Variants in URB2 observed in about 807,000 individuals in gnomAD.
URB2 encodes the protein URB2 ribosome biogenesis homolog.
In URB2, 86 loss-of-function variants were observed where a neutral mutation model predicts 120.9. The ratio of observed to expected loss-of-function variants is 0.71; its 90% CI spans 0.60 to 0.85. URB2 has a LOEUF of 0.85. Ranked by LOEUF, URB2 falls within the 40% of genes least tolerant of loss-of-function variation. The probability of loss-of-function intolerance (pLI) is 0.00; values close to 1 mark genes in which losing one functional copy is unlikely to be tolerated. For synonymous variants in URB2, 755 were observed against 758.4 expected (o/e 1.00, Z 0.07); for missense variants, 1,765 against 1,836.5 (o/e 0.96, Z 0.71).
In URB2 at chr1:229,634,973, T is replaced by C. The variant is rs1217104016; in HGVS notation, c.360T>C (p.Cys120=). 6.3e-7 allele frequency: 1 copy of C among 1,589,238 alleles called. No homozygotes were observed. Among genetic ancestry groups the C allele is most frequent in the Non-Finnish European group, 8.6e-7 (1 of 1,165,872 alleles). ...TTTCGGGATCCCAAAGAAACATCTG[T>C]GCTGTCCTTCGATGTTGCCAGGGCA... The part of the protein sequence containing the change: ...FSLSGSQRNI[C]AVLRCCQGIL... The change falls in exon 4 of 10, where the codon TGT becomes TGC. Residue 120 remains cysteine (C), a synonymous_variant. Coordinates refer to ENST00000258243, the MANE Select transcript of URB2 (RefSeq NM_014777.4).
Position 229,636,517 on chromosome 1 carries a change from T to C in URB2, c.1904T>C (p.Ile635Thr), listed in dbSNP as rs1311378957. 3 of 1,614,192 alleles carry C rather than the reference T, an allele frequency of 1.9e-6. No homozygotes were observed. The highest frequency in any genetic ancestry group is 2.2e-5 in the East Asian group (1 of 44,878). ...TATCACTCTATGTCTGGGCCCCTTA[T>C]AGGTGTTGCTCTGGAGATCTCGAAC... Reference protein sequence around the residue: ...SQYHSMSGPLIGVALEISNLP... With the variant: ...SQYHSMSGPLTGVALEISNLP... Residue 635 changes from isoleucine to threonine, a missense_variant, in exon 4 of 10, where the codon ATA becomes ACA. Transcript: ENST00000258243.
At position 229,659,573 on chromosome 1, in the gene URB2, G is replaced by T. The variant is rs934476244; in HGVS notation, c.*276G>T. Reference sequence around the variant, plus strand: ...TTCAATAGAAAAATTGCTGACTCTTGGGACCTTTCTGTGTTTGGTTCTCGT... The same window carrying T: ...TTCAATAGAAAAATTGCTGACTCTTTGGACCTTTCTGTGTTTGGTTCTCGT... On this transcript the variant is annotated 3_prime_UTR_variant, in exon 10 of 10. Transcript: ENST00000258243. The T allele has an allele frequency of 3.2e-6, 1 of 308,654 alleles. No homozygotes were observed. The allele number at this position is 308,654 out of a possible 1,614,324, so 19.1% of individuals were successfully genotyped here. A position where few individuals can be genotyped will look rare whatever the true frequency, so the allele number is the denominator to read the frequency against.
At chr1:229,654,807 T>C (rs181204699) in intron 9 of URB2, among the ~76,000 whole-genome samples, 2 of 152,320 alleles carry the variant, frequency 1.3e-5, no homozygotes, top group African/African-American at 4.8e-5. Flanking sequence ...TACAGGGTTA[T>C]TGTAAGGACC....
rs762995854 is a variant in URB2, at chr1:229,647,596, G to A, written c.3993G>A (p.Arg1331=). Reference sequence around the variant, plus strand: ...TAGATGTCCTGGCTGCACTGCTGCGGCAGGGGGAGGAGGCCATCGGCAACC... The same window carrying A: ...TAGATGTCCTGGCTGCACTGCTGCGACAGGGGGAGGAGGCCATCGGCAACC... ...PVLDVLAALL[R]QGEEAIGNPH... is the part of the protein sequence containing the mutation. The change falls in exon 7 of 10, where the codon CGG becomes CGA. Residue 1331 remains arginine (R), a synonymous_variant. Transcript: ENST00000258243. The A allele has an allele frequency of 6.2e-7, 1 of 1,614,176 alleles. No homozygotes were observed. Among genetic ancestry groups the A allele is most frequent in the Non-Finnish European group, 8.5e-7 (1 of 1,180,028 alleles).
chr1:229,656,775 C>T (rs943371651), intron 9 of URB2, among the ~76,000 whole-genome samples: 1 of 152,180 alleles, frequency 6.6e-6, no homozygotes, highest in African/African-American at 2.4e-5. Flanking sequence ...CTTCTTTCCT[C>T]CAAGCAGTAA....
At chr1:229,640,550 G>A (rs1665980419) in intron 4 of URB2, among the ~76,000 whole-genome samples, 1 of 152,172 alleles carries the variant, frequency 6.6e-6, no homozygotes, top group African/African-American at 2.4e-5. Context: ...ATTAACGTCT[G>A]TGTTAAGCAC....
Position 229,643,696 on chromosome 1 carries a change from G to A in URB2, c.3795+3G>A, listed in dbSNP as rs1558168539. On this transcript the variant is annotated splice_donor_region_variant and intron_variant, in intron 5 of 9. Transcript: ENST00000258243. ...ACATGTGGAAAGCAGATGTGCAGGT[G>A]GGTGCCTTCTCCCTCCTTGTGTGGC... The A allele has an allele frequency of 6.2e-7, 1 of 1,610,832 alleles. No homozygotes were observed. Among genetic ancestry groups the A allele is most frequent in the East Asian group, 2.2e-5 (1 of 44,826 alleles).
chr1:229,626,366 C>A lies in URB2; in HGVS notation c.-14+10C>A. 1 of 153,018 alleles carries A rather than the reference C, an allele frequency of 6.5e-6. No homozygotes were observed. Among genetic ancestry groups the A allele is most frequent in the Non-Finnish European group, 1.5e-5 (1 of 68,580 alleles). 9.5% of individuals were successfully genotyped at this position (153,018 alleles called of 1,614,324 possible). On this transcript the variant is annotated intron_variant, in intron 1 of 9. Coordinates refer to ENST00000258243, the MANE Select transcript of URB2 (RefSeq NM_014777.4). Reference sequence around the variant, plus strand: ...CGGGCCGGATCCCGAGGTGAGTCCCCCACCTGCGGTCAGCCCCTGCGGGCA... The same window carrying A: ...CGGGCCGGATCCCGAGGTGAGTCCCACACCTGCGGTCAGCCCCTGCGGGCA...
chr1:229,647,394 C>T, intron 6 of URB2, 116 bp from the exon 7 acceptor site: 2 of 1,321,128 alleles, frequency 1.5e-6, no homozygotes, highest in Non-Finnish European at 2.1e-6. Context: ...CCACGGACCA[C>T]ATCAATTCAT....
Position 229,635,097 on chromosome 1 carries a change from G to A in URB2, c.484G>A (p.Glu162Lys), listed in dbSNP as rs780581627. The change falls in exon 4 of 10, where the codon GAA becomes AAA. Residue 162 changes from glutamate (E) to lysine (K), a missense_variant. By Grantham distance (56) the Glu-to-Lys change is moderately conservative. Transcript: ENST00000258243. ...TTGCTGGTCGGCCTGCAGGCAGCCC[G>A]AAGGAGCTGTGGTAGCCCAGTTGTT... ...QLCWSACRQP[E>K]GAVVAQLFEV... The A allele has an allele frequency of 5.9e-5, 96 of 1,613,978 alleles. 1 individual carries two copies. The highest frequency in any genetic ancestry group is 1.6e-4 in the Middle Eastern group (1 of 6,084).
chr1:229,632,309 A>G lies in URB2; in HGVS notation c.167A>G (p.Tyr56Cys), dbSNP rs753479798. 3 of 1,586,366 alleles carry G rather than the reference A, an allele frequency of 1.9e-6. No homozygotes were observed. The highest frequency in any genetic ancestry group is 1.2e-5 in the South Asian group (1 of 83,980). Residue 56 changes from tyrosine to cysteine, a missense_variant, in exon 3 of 10, where the codon TAT (tyrosine) becomes TGT (cysteine). Coordinates refer to ENST00000258243, the MANE Select transcript of URB2 (RefSeq NM_014777.4). Reference sequence around the variant, plus strand: ...GCAAGACAATCATTGGTTGCATTTTATAAGAAAAAGCTTGAACTGAAGGAA... The same window carrying G: ...GCAAGACAATCATTGGTTGCATTTTGTAAGAAAAAGCTTGAACTGAAGGAA... The part of the protein sequence containing the change: ...DWARQSLVAF[Y>C]KKKLELKEDI...
chr1:229,627,200 C>T (rs1665513577), intron 1 of URB2, among the ~76,000 whole-genome samples: 2 of 152,136 alleles, frequency 1.3e-5, no homozygotes, highest in African/African-American at 4.8e-5. Flanking sequence ...TTTTCTTTTT[C>T]ACTTGGAGAC....
intron 4 of URB2, among the ~76,000 whole-genome samples, chr1:229,639,336 C>CTTT (rs200235230): frequency 1.7e-4 from 23 of 135,118 alleles, no homozygotes; most frequent in African/African-American, 5.5e-4. Context: ...CACTTAATTT[C>CTTT]TTTTTTTTTT....
chr1:229,634,112 C>T (rs1384836413), intron 3 of URB2, among the ~76,000 whole-genome samples: 1 of 151,982 alleles, frequency 6.6e-6, no homozygotes, highest in East Asian at 1.9e-4. Context: ...GGATTACAGG[C>T]ATGAGCCACC....
Position 229,636,901 on chromosome 1 carries a change from C to T in URB2, c.2288C>T (p.Ala763Val), listed in dbSNP as rs2102785972. 1 of 1,611,408 alleles carries T rather than the reference C, an allele frequency of 6.2e-7. No homozygotes were observed. Among genetic ancestry groups the T allele is most frequent in the Non-Finnish European group, 8.5e-7 (1 of 1,178,394 alleles). The part of the protein sequence containing the change: ...YLCPDDVGYL[A>V]SVLLRTLPMG... ...TGTCCAGATGATGTGGGATACCTGG[C>T]CAGTGTCCTGCTGAGAACTTTACCC... Residue 763 changes from alanine to valine, a missense_variant, in exon 4 of 10, where the codon GCC becomes GTC. By Grantham distance (64) the Ala-to-Val change is moderately conservative (BLOSUM62 0). Coordinates refer to ENST00000258243, the MANE Select transcript of URB2 (RefSeq NM_014777.4).
Position 229,636,082 on chromosome 1 carries a change from T to C in URB2, c.1469T>C (p.Leu490Pro), listed in dbSNP as rs1437893985. Residue 490 changes from leucine to proline, a missense_variant, in exon 4 of 10, where the codon CTG (leucine) becomes CCG (proline). Transcript: ENST00000258243. ...PAAEALRQPV[L>P]ASGPSTVLSA... ...GCTGAGGCACTGAGGCAGCCTGTGCTGGCCTCGGGCCCCTCCACGGTACTC... is the reference window on the plus strand; with the variant it reads ...GCTGAGGCACTGAGGCAGCCTGTGCCGGCCTCGGGCCCCTCCACGGTACTC... 24 of 1,614,144 alleles carry C rather than the reference T, an allele frequency of 1.5e-5. No individual in the cohort carries two copies. The highest frequency in any genetic ancestry group is 1.9e-5 in the Non-Finnish European group (23 of 1,180,060).
chr1:229,647,622 C>A lies in URB2; in HGVS notation c.4019C>A (p.Pro1340His), dbSNP rs746662717. 6.1e-5 allele frequency: 99 copies of A among 1,614,050 alleles called. No homozygotes were observed. In the Middle Eastern group the frequency reaches 8.2e-4, roughly 13 times the overall value. The change falls in exon 7 of 10, where the codon CCC becomes CAC. Residue 1340 changes from proline to histidine, a missense_variant. Coordinates refer to ENST00000258243, the MANE Select transcript of URB2 (RefSeq NM_014777.4). Reference protein sequence around the residue: ...LRQGEEAIGNPHHVSLAFSIL... With the variant: ...LRQGEEAIGNHHHVSLAFSIL... ...CAGGGGGAGGAGGCCATCGGCAACC[C>A]CCACCACGTCAGCCTGGCCTTCAGC...
intron 4 of URB2, 31 bp downstream of exon 4, chr1:229,638,278 G>A: frequency 1.3e-6 from 2 of 1,548,124 alleles, no homozygotes; most frequent in Non-Finnish European, 1.7e-6. Flanking sequence ...CTAATTCTGT[G>A]TTATAGAGGT....
rs41309637 is a variant in URB2, at chr1:229,659,298, G to C, written c.*1G>C. 39,833 of 1,613,628 alleles carry C rather than the reference G, an allele frequency of 0.025. 648 individuals are homozygous for C. Among genetic ancestry groups the C allele is most frequent in the Non-Finnish European group, 0.028 (33,528 of 1,179,908 alleles). The stretch of plus-strand genomic sequence containing the variant: ...AGGAGAGAAAAGATATACGGCCTAA[G>C]GCTATGGGACAGAAGTGCCGCCAGT... On this transcript the variant is annotated 3_prime_UTR_variant, in exon 10 of 10. Coordinates refer to ENST00000258243, the MANE Select transcript of URB2 (RefSeq NM_014777.4).
Sources: allele counts gnomAD v4.1 joint callset (sites outside exome capture counted in the v4.1 genomes callset), GRCh38; gene constraint gnomAD v4.1.1; transcripts MANE v1.5; gene names NCBI Gene and HGNC (gene_info 2026-07-23, HGNC 2026-07-21).